The following FIGN variants were observed in gnomAD, a reference collection of about 807,000 sequenced individuals.
FIGN encodes fidgetin, microtubule severing factor.
In FIGN, 11 loss-of-function variants were observed where a neutral mutation model predicts 51.3. The observed-to-expected ratio is 0.21, with a 90% CI of 0.13 to 0.35. The LOEUF (loss-of-function observed/expected upper bound fraction) is 0.35, where lower values mean the gene tolerates loss of function less well. Among genes scored for constraint, FIGN ranks in the 10% least tolerant of loss-of-function variants. The probability of loss-of-function intolerance (pLI) is 1.00; values close to 1 mark genes in which losing one functional copy is unlikely to be tolerated. For synonymous variants in FIGN, 407 were observed against 363.2 expected (o/e 1.12, Z -1.37); for missense variants, 857 against 943.6 (o/e 0.91, Z 1.20).
chr2:163,623,947 G>A (rs1330795545), intron 2 of FIGN, among the ~76,000 whole-genome samples: 1 of 152,028 alleles, frequency 6.6e-6, no homozygotes, highest in Non-Finnish European at 1.5e-5. Context: ...ATAGCTTCCA[G>A]AAGCATTAAA....
chr2:163,721,001 G>GAGAA (rs1684748303), intron 2 of FIGN, among the ~76,000 whole-genome samples: 6 of 152,062 alleles, frequency 3.9e-5, no homozygotes, highest in Non-Finnish European at 7.4e-5. Context: ...TAAAAAGAAA[G>GAGAA]GGAAGGAAGG....
intron 2 of FIGN, among the ~76,000 whole-genome samples, chr2:163,643,932 C>CAAAAAAAAAAAAA (rs1162234909): frequency 0.011 from 203 of 19,068 alleles, 57 homozygotes; most frequent in Admixed American, 0.016. Flanking sequence ...AACTCTGTCT[C>CAAAAAAAAAAAAA]AAAAAAAAAA....
chr2:163,680,366 T>C (rs1261369499), intron 2 of FIGN, among the ~76,000 whole-genome samples: 1 of 152,188 alleles, frequency 6.6e-6, no homozygotes, highest in African/African-American at 2.4e-5. Flanking sequence ...ATACATCTTC[T>C]TGTGGCACCG....
At chr2:163,667,382 T>A (rs1049591516) in intron 2 of FIGN, among the ~76,000 whole-genome samples, 2 of 151,044 alleles carry the variant, frequency 1.3e-5, no homozygotes, top group Non-Finnish European at 2.9e-5. Context: ...TGTAAACATA[T>A]CTTTGACCTG....
At chr2:163,643,625 T>A (rs967677465) in intron 2 of FIGN, among the ~76,000 whole-genome samples, 33 of 143,490 alleles carry the variant, frequency 2.3e-4, no homozygotes, top group Non-Finnish European at 3.8e-4. Flanking sequence ...CACTCTAGCC[T>A]GGGCGACAGA....
At chr2:163,679,490 C>T (rs908705326) in intron 2 of FIGN, among the ~76,000 whole-genome samples, 16 of 128,734 alleles carry the variant, frequency 1.2e-4, no homozygotes, top group African/African-American at 1.7e-4. Flanking sequence ...TGCGAGACTC[C>T]GTCTCAAAAA....
intron 2 of FIGN, among the ~76,000 whole-genome samples, chr2:163,687,998 T>G (rs1040564884): frequency 6.6e-6 from 1 of 152,180 alleles, no homozygotes; most frequent in Non-Finnish European, 1.5e-5. Context: ...ACGTCAACTA[T>G]ACGTCACAAA....
chr2:163,625,226 C>T (rs1683036101), intron 2 of FIGN, among the ~76,000 whole-genome samples: 1 of 151,718 alleles, frequency 6.6e-6, no homozygotes, highest in Non-Finnish European at 1.5e-5. Flanking sequence ...TTGGATTATA[C>T]ATGAAAATGT....
At position 163,606,024 on chromosome 2, in the gene FIGN, T is replaced by C. The variant is rs1691104228; in HGVS notation, c.*3528A>G. On this transcript the variant is annotated 3_prime_UTR_variant, in exon 3 of 3. Coordinates refer to ENST00000333129, the MANE Select transcript of FIGN (RefSeq NM_018086.4). ...TAGCTTTTATCACTTTCCCAGATGG[T>C]GTTTGGCCTATGTATTTTAGTGGAA... 6.6e-6 allele frequency: 1 copy of C among 151,978 alleles called. No homozygotes were observed. Among genetic ancestry groups the C allele is most frequent in the African/African-American group, 2.4e-5 (1 of 41,386 alleles). 9.4% of individuals were successfully genotyped at this position (151,978 alleles called of 1,614,324 possible). A position where few individuals can be genotyped will look rare whatever the true frequency, so the allele number is the denominator to read the frequency against.
intron 2 of FIGN, among the ~76,000 whole-genome samples, chr2:163,710,963 A>T (rs147261716): frequency 6.6e-6 from 1 of 152,218 alleles, no homozygotes; most frequent in Non-Finnish European, 1.5e-5. Flanking sequence ...CTTTTCAATT[A>T]ATATAAACTT....
chr2:163,638,093 G>A (rs1174772491), intron 2 of FIGN, among the ~76,000 whole-genome samples: 5 of 152,048 alleles, frequency 3.3e-5, no homozygotes, highest in African/African-American at 1.2e-4. Flanking sequence ...ACTAGAGAGA[G>A]AGGATTTCCA....
intron 2 of FIGN, among the ~76,000 whole-genome samples, chr2:163,720,772 T>C (rs1684743572): frequency 6.6e-6 from 1 of 152,172 alleles, no homozygotes; most frequent in African/African-American, 2.4e-5. Flanking sequence ...CAGGTTGCTC[T>C]ACTAAATAAA....
Position 163,605,442 on chromosome 2 carries a change from C to A in FIGN, c.*4110G>T, listed in dbSNP as rs1271373170. 1 of 151,614 alleles carries A rather than the reference C, an allele frequency of 6.6e-6. No homozygotes were observed. Among genetic ancestry groups the A allele is most frequent in the South Asian group, 2.1e-4 (1 of 4,808 alleles). The allele number at this position is 151,614 out of a possible 1,614,324, so 9.4% of individuals were successfully genotyped here. On this transcript the variant is annotated 3_prime_UTR_variant, in exon 3 of 3. Coordinates refer to ENST00000333129, the MANE Select transcript of FIGN (RefSeq NM_018086.4). ...GATGATTCAACAACTGAAGGCTTTA[C>A]GTTTCAAAAGAAAAAAAAACACATT...
chr2:163,663,068 C>A (rs887464919), intron 2 of FIGN, among the ~76,000 whole-genome samples: 1 of 151,984 alleles, frequency 6.6e-6, no homozygotes, highest in African/African-American at 2.4e-5. Context: ...GTTGGCCAGG[C>A]TGTTCACTGG....
intron 2 of FIGN, among the ~76,000 whole-genome samples, chr2:163,628,415 G>A (rs1199886347): frequency 6.6e-6 from 1 of 152,160 alleles, no homozygotes. Flanking sequence ...GTTTGATATC[G>A]TTAGAAGATA....
At chr2:163,655,808 G>C (rs988222135) in intron 2 of FIGN, among the ~76,000 whole-genome samples, 9 of 146,900 alleles carry the variant, frequency 6.1e-5, no homozygotes, top group African/African-American at 1.0e-4. Context: ...CACACACAGA[G>C]AGAGAGAGAG....
chr2:163,721,325 C>T (rs1245759163), intron 2 of FIGN, among the ~76,000 whole-genome samples: 1 of 152,076 alleles, frequency 6.6e-6, no homozygotes, highest in African/African-American at 2.4e-5. Context: ...AATTTGTGGC[C>T]TTTACTCTCA....
At chr2:163,719,299 C>T (rs763030931) in intron 2 of FIGN, among the ~76,000 whole-genome samples, 21 of 152,124 alleles carry the variant, frequency 1.4e-4, no homozygotes, top group African/African-American at 2.9e-4. Flanking sequence ...CTTTGATTTA[C>T]GTGACTGGAA....
intron 2 of FIGN, among the ~76,000 whole-genome samples, chr2:163,626,247 G>T (rs747258214): frequency 3.3e-5 from 5 of 152,064 alleles, no homozygotes; most frequent in Non-Finnish European, 5.9e-5. Context: ...ATGTCTTCCT[G>T]TTTAAGCCTT....
Sources: gnomAD v4.1 joint callset for allele counts (sites outside exome capture counted in the v4.1 genomes callset) on GRCh38, gnomAD v4.1.1 for gene constraint, MANE v1.5 for transcripts, NCBI Gene and HGNC (gene_info 2026-07-23, HGNC 2026-07-21) for gene names.